NTN1: variants seen among roughly 807,000 people sequenced by gnomAD.
The protein encoded by NTN1 is netrin 1.
In NTN1, 11 loss-of-function variants were observed where a neutral mutation model predicts 54.2. The observed-to-expected ratio is 0.20, with a 90% CI of 0.13 to 0.34. The LOEUF (loss-of-function observed/expected upper bound fraction) is 0.34. Among genes scored for constraint, NTN1 ranks in the 10% least tolerant of loss-of-function variants. The pLI is 1.00. For synonymous variants in NTN1, 371 were observed against 382.0 expected (o/e 0.97, Z 0.33); for missense variants, 740 against 893.1 (o/e 0.83, Z 2.18).
intron 3 of NTN1, among the ~76,000 whole-genome samples, chr17:9,168,590 T>A (rs1320984563): frequency 1.3e-5 from 2 of 152,108 alleles, no homozygotes; most frequent in East Asian, 3.9e-4. Context: ...GTAGCCTGAT[T>A]AAGGCACAAG....
At chr17:9,089,839 C>CA (rs2092103957) in intron 2 of NTN1, among the ~76,000 whole-genome samples, 1 of 152,136 alleles carries the variant, frequency 6.6e-6, no homozygotes, top group Non-Finnish European at 1.5e-5. Flanking sequence ...CTCCTGCTAC[C>CA]GACCTCCTGC....
At chr17:9,193,465 G>A (rs1904522566) in intron 5 of NTN1, among the ~76,000 whole-genome samples, 2 of 152,042 alleles carry the variant, frequency 1.3e-5, no homozygotes, top group African/African-American at 4.8e-5. Context: ...TAAATATTTT[G>A]GAATACACCT....
chr17:9,041,948 G>T (rs959844363), intron 2 of NTN1, among the ~76,000 whole-genome samples: 1 of 151,732 alleles, frequency 6.6e-6, no homozygotes, highest in South Asian at 2.1e-4. Flanking sequence ...GGTGGAGGTT[G>T]CTGTGAGCTG....
chr17:9,073,451 G>A (rs919578501), intron 2 of NTN1, among the ~76,000 whole-genome samples: 2 of 152,188 alleles, frequency 1.3e-5, no homozygotes, highest in African/African-American at 4.8e-5. Context: ...AGAATAGCCT[G>A]GGATGGAAAT....
intron 2 of NTN1, among the ~76,000 whole-genome samples, chr17:9,088,391 T>C (rs1486432289): frequency 6.6e-6 from 1 of 152,122 alleles, no homozygotes; most frequent in Non-Finnish European, 1.5e-5. Context: ...CTGGGTAGGG[T>C]TGGGCCAGTC....
chr17:9,126,948 G>A (rs987579096), intron 2 of NTN1, among the ~76,000 whole-genome samples: 6 of 151,652 alleles, frequency 4.0e-5, no homozygotes, highest in African/African-American at 7.3e-5. Context: ...AGGGTACCAC[G>A]TGTCTCATGC....
chr17:9,191,441 CAA>C (rs1904454694), intron 5 of NTN1, among the ~76,000 whole-genome samples: 2 of 152,198 alleles, frequency 1.3e-5, no homozygotes, highest in African/African-American at 4.8e-5. Context: ...GCCTGGGCAA[CAA>C]GAGCAAAACT....
intron 5 of NTN1, among the ~76,000 whole-genome samples, chr17:9,205,972 C>T (rs3785984): frequency 0.077 from 11,783 of 152,202 alleles, 767 homozygotes; most frequent in African/African-American, 0.16. Flanking sequence ...TTGCTCCTGC[C>T]GCAGACGGGC....
At chr17:9,172,902 T>C (rs1441828494) in intron 3 of NTN1, 1 of 68,328 alleles carries the variant, frequency 1.5e-5, no homozygotes, top group Non-Finnish European at 2.7e-5. Flanking sequence ...AGAGTGAAAC[T>C]ACATCTCAAA....
intron 6 of NTN1, among the ~76,000 whole-genome samples, chr17:9,238,839 T>G (rs1597556293): frequency 6.6e-6 from 1 of 152,230 alleles, no homozygotes; most frequent in African/African-American, 2.4e-5. Context: ...TTGTGAGAAA[T>G]GCATATTCTA....
intron 5 of NTN1, among the ~76,000 whole-genome samples, chr17:9,202,055 CAAAAAAAAAAAAAA>C (rs773720564): frequency 3.5e-4 from 17 of 48,340 alleles, no homozygotes; most frequent in East Asian, 1.6e-3. Flanking sequence ...CACACACACA[CAAAAAAAAAAAAAA>C]AAAAAAAAAA....
chr17:9,117,070 G>C lies in NTN1; in HGVS notation c.1019-45743G>C, dbSNP rs376836954. Among the ~76,000 whole-genome samples, 269 of 152,308 alleles carry C rather than the reference G, an allele frequency of 1.8e-3. 2 individuals carry two copies. Among genetic ancestry groups the C allele is most frequent in the South Asian group, 7.5e-3 (36 of 4,824 alleles). ...GGCGGGGAGAGGAGCCTCTGGGAGC[G>C]ACACCCGGGGAAGCTGTGAGGCGTG... On this transcript the variant is annotated intron_variant, in intron 2 of 6. Coordinates refer to ENST00000173229, the MANE Select transcript of NTN1 (RefSeq NM_004822.3).
intron 2 of NTN1, among the ~76,000 whole-genome samples, chr17:9,061,955 G>A (rs8081460): frequency 0.31 from 47,096 of 151,672 alleles, 7,461 homozygotes; most frequent in East Asian, 0.44. Context: ...CGCCTGCCTC[G>A]GTCTCCCAAA....
intron 2 of NTN1, among the ~76,000 whole-genome samples, chr17:9,072,474 CA>C (rs1291290906): frequency 6.6e-6 from 1 of 152,088 alleles, no homozygotes; most frequent in East Asian, 1.9e-4. Flanking sequence ...TTTTGTTGCC[CA>C]AAAAGCTTTG....
At chr17:9,210,999 G>A (rs1905096245) in intron 5 of NTN1, among the ~76,000 whole-genome samples, 1 of 142,334 alleles carries the variant, frequency 7.0e-6, no homozygotes, top group South Asian at 2.2e-4. Flanking sequence ...TATCCTCATT[G>A]CAGTAAATTT....
chr17:9,217,808 C>A (rs1276730351), intron 5 of NTN1, among the ~76,000 whole-genome samples: 1 of 142,752 alleles, frequency 7.0e-6, no homozygotes, highest in Non-Finnish European at 1.5e-5. Flanking sequence ...TTGCAACAAG[C>A]ACACTGATCT....
chr17:9,153,857 G>A (rs4791802), intron 2 of NTN1, among the ~76,000 whole-genome samples: 51,745 of 151,972 alleles, frequency 0.34, 9,029 homozygotes, highest in East Asian at 0.47. Context: ...ACCTCGCCTG[G>A]CTCTCATGCC....
rs2091856802 is a variant in NTN1 at position 9,022,817 on chromosome 17, C to A, written c.444C>A (p.Ser148Arg). The change falls in exon 2 of 7, where the codon AGC becomes AGA. Residue 148 changes from serine to arginine, a missense_variant. Coordinates refer to ENST00000173229, the MANE Select transcript of NTN1 (RefSeq NM_004822.3). Reference protein sequence around the residue: ...LGKKFEVTYVSLQFCSPRPES... With the variant: ...LGKKFEVTYVRLQFCSPRPES... ...AGAAGTTCGAAGTGACCTACGTGAG[C>A]CTGCAGTTCTGCTCGCCGCGGCCCG... 2 of 1,611,540 alleles carry A rather than the reference C, an allele frequency of 1.2e-6. No homozygotes were observed. The highest frequency in any genetic ancestry group is 1.7e-6 in the Non-Finnish European group (2 of 1,179,478).
rs202171108 is a variant in NTN1 at position 9,221,119 on chromosome 17, C to T, written c.1412-49C>T. 3.4e-4 allele frequency: 457 copies of T among 1,327,846 alleles called. 3 individuals are homozygous for T. The East Asian group carries it at 0.01, about 30-fold the overall frequency. The allele number at this position is 1,327,846 out of a possible 1,614,324, so 82.3% of individuals were successfully genotyped here. The stretch of plus-strand genomic sequence containing the variant: ...CTACTCTGCCCGCCAGCCTATTCAT[C>T]GCCAGCCTAATTAGTTTTTGTCTGT... On this transcript the variant is annotated intron_variant, in intron 5 of 6. Transcript: ENST00000173229. The surrounding 1 kb of genome is among the most constrained non-coding windows in gnomAD (Gnocchi z 4.5).
Sources: allele counts gnomAD v4.1 joint callset (sites outside exome capture counted in the v4.1 genomes callset), GRCh38; gene constraint gnomAD v4.1.1; non-coding constraint Gnocchi (gnomAD v3.1); transcripts MANE v1.5; gene names NCBI Gene and HGNC (gene_info 2026-07-23, HGNC 2026-07-21).